Variants in PRRC2B observed in about 807,000 individuals in gnomAD.
PRRC2B encodes proline rich coiled-coil 2B, also known as protein PRRC2B.
A neutral mutation model predicts 242.3 loss-of-function variants in PRRC2B; 68 were observed. That is an observed-to-expected ratio of 0.28 (90% CI 0.23 to 0.34). PRRC2B has a LOEUF of 0.34. PRRC2B is among the 10% of genes least tolerant of loss of function. The pLI is 1.00. For synonymous variants in PRRC2B, 1,228 were observed against 1,173.6 expected (o/e 1.05, Z -0.95); for missense variants, 2,835 against 2,954.8 (o/e 0.96, Z 0.94).
At chr9:131,492,479 T>C (rs1163495539) in intron 30 of PRRC2B, among the ~76,000 whole-genome samples, 1 of 152,074 alleles carries the variant, frequency 6.6e-6, no homozygotes, top group Non-Finnish European at 1.5e-5. Flanking sequence ...TTTTAATCAT[T>C]ATAATAAGAT....
intron 11 of PRRC2B, among the ~76,000 whole-genome samples, chr9:131,459,970 C>CAAAAAA (rs34696844): frequency 3.4e-5 from 3 of 87,078 alleles, no homozygotes; most frequent in African/African-American, 1.3e-4. Context: ...ACCCTATCTC[C>CAAAAAA]AAAAAAAAAA....
intron 23 of PRRC2B, 73 bp downstream of exon 23, chr9:131,483,518 C>A: frequency 7.5e-7 from 1 of 1,339,596 alleles, no homozygotes; most frequent in Non-Finnish European, 1.1e-6. Context: ...GGAGACAGCA[C>A]ATGTATTTCA....
intron 13 of PRRC2B, among the ~76,000 whole-genome samples, chr9:131,469,295 C>CT (rs1158320355): frequency 6.6e-6 from 1 of 152,170 alleles, no homozygotes; most frequent in Admixed American, 6.5e-5. Flanking sequence ...GGTCGCACCA[C>CT]TGCCTTCCAG....
At chr9:131,426,316 C>T (rs1371312396) in intron 1 of PRRC2B, among the ~76,000 whole-genome samples, 6 of 133,894 alleles carry the variant, frequency 4.5e-5, no homozygotes, top group Non-Finnish European at 9.2e-5. Flanking sequence ...CCAGCCTGAG[C>T]TACAGAAAGA....
chr9:131,413,061 G>C (rs1274706445), intron 1 of PRRC2B, among the ~76,000 whole-genome samples: 1 of 152,094 alleles, frequency 6.6e-6, no homozygotes, highest in Non-Finnish European at 1.5e-5. Context: ...TTAAATATCT[G>C]CTAGCTGTAA....
At chr9:131,469,676 C>A (rs762504676) in intron 13 of PRRC2B, among the ~76,000 whole-genome samples, 1 of 152,122 alleles carries the variant, frequency 6.6e-6, no homozygotes, top group Non-Finnish European at 1.5e-5. Flanking sequence ...CAGAGTGTGA[C>A]GCAGCAGTGA....
chr9:131,438,977 TC>T lies in PRRC2B; in HGVS notation c.397-10del. 6.2e-7 allele frequency: 1 copy of T among 1,608,158 alleles called. No homozygotes were observed. The highest frequency in any genetic ancestry group is 8.5e-7 in the Non-Finnish European group (1 of 1,176,154). ...GGAGCTGGCCCTCTTCTGATTCTCT[TC>T]CTTCTTTCAGAATACAAATTCAGTG... On this transcript the variant is annotated splice_polypyrimidine_tract_variant and intron_variant, in intron 4 of 31. Coordinates refer to ENST00000683519, the MANE Select transcript of PRRC2B (RefSeq NM_013318.4).
Position 131,496,133 on chromosome 9 carries a change from G to T in PRRC2B, c.*259G>T. The T allele has an allele frequency of 4.4e-6, 2 of 458,510 alleles. No individual in the cohort carries two copies. Among genetic ancestry groups the T allele is most frequent in the Non-Finnish European group, 7.9e-6 (2 of 251,716 alleles). 28.4% of individuals were successfully genotyped at this position (458,510 alleles called of 1,614,324 possible). The stretch of plus-strand genomic sequence containing the variant: ...CATCCCATCTGCTCCTACCGTGACT[G>T]TGGAGTGACGCCTCCTGTGCAGTGC... On this transcript the variant is annotated 3_prime_UTR_variant, in exon 32 of 32. Transcript: ENST00000683519.
At chr9:131,429,615 G>A (rs1282011645) in intron 1 of PRRC2B, among the ~76,000 whole-genome samples, 5 of 152,140 alleles carry the variant, frequency 3.3e-5, no homozygotes, top group Non-Finnish European at 5.9e-5. Flanking sequence ...CCTTTGATTT[G>A]GTTTTGCTTG....
chr9:131,391,388 G>A (rs914904836), upstream of PRRC2B, among the ~76,000 whole-genome samples: 3 of 152,030 alleles, frequency 2.0e-5, no homozygotes, highest in East Asian at 5.8e-4. Context: ...CTCCGACTCC[G>A]ACCCTCCTTC....
rs1048951231 is a variant in PRRC2B, at chr9:131,470,945, C to T, written c.2069C>T (p.Thr690Ile). The T allele has an allele frequency of 2.5e-6, 4 of 1,612,360 alleles. 1 individual carries two copies. Among genetic ancestry groups the T allele is most frequent in the South Asian group, 2.2e-5 (2 of 91,008 alleles). The change falls in exon 14 of 32, where the codon ACC becomes ATC. Residue 690 changes from threonine (T) to isoleucine (I), a missense_variant. Transcript: ENST00000683519. ...GACCCACGTATCACGCCCACTCGGA[C>T]CCCGGTGGACTTCTACCCCTCCGCC... ...YMDPRITPTR[T>I]PVDFYPSALH...
At chr9:131,432,471 G>A in intron 2 of PRRC2B, 146 bp from the exon 3 acceptor site, 1 of 689,564 alleles carries the variant, frequency 1.5e-6, no homozygotes. Context: ...ACACTTGTTT[G>A]TCCCACTGCT....
chr9:131,467,865 C>A, intron 13 of PRRC2B, 112 bp downstream of exon 13: 1 of 1,065,492 alleles, frequency 9.4e-7, no homozygotes, highest in Non-Finnish European at 1.3e-6. Context: ...GCCAGAATAT[C>A]CCTTATGTGC....
Position 131,495,989 on chromosome 9 carries a change from A to G in PRRC2B, c.*115A>G. The G allele has an allele frequency of 7.1e-7, 1 of 1,401,642 alleles. No homozygotes were observed. Among genetic ancestry groups the G allele is most frequent in the Non-Finnish European group, 9.6e-7 (1 of 1,037,778 alleles). 86.8% of individuals were successfully genotyped at this position (1,401,642 alleles called of 1,614,324 possible). ...TCCACCGTCCAAATGCGTGGCCCAG[A>G]CTGAGAGACCTCCCTCCTCTCCACT... On this transcript the variant is annotated 3_prime_UTR_variant, in exon 32 of 32. Transcript: ENST00000683519.
chr9:131,451,199 A>G (rs1942903758), intron 9 of PRRC2B, among the ~76,000 whole-genome samples: 1 of 152,056 alleles, frequency 6.6e-6, no homozygotes, highest in Admixed American at 6.5e-5. Context: ...GGAGATTGAG[A>G]CCATCCTGGC....
intron 1 of PRRC2B, among the ~76,000 whole-genome samples, chr9:131,414,881 C>T (rs1837604622): frequency 6.6e-6 from 1 of 151,664 alleles, no homozygotes; most frequent in Admixed American, 6.6e-5. Context: ...CTATCTCGGG[C>T]TTCTGTTGGT....
At chr9:131,392,020 G>A (rs1836905893), upstream of PRRC2B, among the ~76,000 whole-genome samples, 1 of 151,088 alleles carries the variant, frequency 6.6e-6, no homozygotes, top group Non-Finnish European at 1.5e-5. Context: ...GGATTACAGG[G>A]GTGAGCCACC....
chr9:131,399,580 A>G (rs1439561134), intron 1 of PRRC2B, among the ~76,000 whole-genome samples: 1 of 152,138 alleles, frequency 6.6e-6, no homozygotes, highest in Non-Finnish European at 1.5e-5. Flanking sequence ...CTCCATCTGA[A>G]AAAAAAGGAA....
intron 14 of PRRC2B, among the ~76,000 whole-genome samples, chr9:131,471,190 G>T (rs1943535583): frequency 6.6e-6 from 1 of 152,230 alleles, no homozygotes; most frequent in African/African-American, 2.4e-5. Flanking sequence ...AAGTCATGAA[G>T]ATCGTGTATC....
Sources: gnomAD v4.1 joint callset for allele counts (sites outside exome capture counted in the v4.1 genomes callset) on GRCh38, gnomAD v4.1.1 for gene constraint, MANE v1.5 for transcripts, NCBI Gene and HGNC (gene_info 2026-07-23, HGNC 2026-07-21) for gene names.